PTK2: variants seen among roughly 807,000 people sequenced by gnomAD.
PTK2 encodes protein tyrosine kinase 2, also known as focal adhesion kinase 1.
A neutral mutation model predicts 150.1 loss-of-function variants in PTK2; 45 were observed. That is an observed-to-expected ratio of 0.30 (90% CI 0.24 to 0.38). The LOEUF (loss-of-function observed/expected upper bound fraction) is 0.38. Among genes scored for constraint, PTK2 ranks in the 10% least tolerant of loss-of-function variants. The pLI is 1.00. For synonymous variants in PTK2, 432 were observed against 449.2 expected, an observed-to-expected ratio of 0.96 and a Z score of 0.48; for missense variants, 919 against 1,307.3, an observed-to-expected ratio of 0.70 and a Z score of 4.58.
chr8:140,793,058 G>C (rs970084505), intron 13 of PTK2, among the ~76,000 whole-genome samples: 1 of 151,942 alleles, frequency 6.6e-6, no homozygotes, highest in African/African-American at 2.4e-5. Context: ...CATATTTTCA[G>C]GTTCTTGTAA....
intron 2 of PTK2, among the ~76,000 whole-genome samples, chr8:140,916,332 C>T (rs529813704): frequency 2.0e-5 from 3 of 152,208 alleles, no homozygotes; most frequent in Non-Finnish European, 4.4e-5. Context: ...ACCACCACCT[C>T]GTAGGCACGA....
chr8:140,985,000 T>C (rs896516508), intron 1 of PTK2, among the ~76,000 whole-genome samples: 2 of 152,056 alleles, frequency 1.3e-5, no homozygotes, highest in Non-Finnish European at 2.9e-5. Context: ...AATCAAAAGA[T>C]TGGTACTCTG....
At chr8:140,669,561 T>G (rs1308479153) in intron 29 of PTK2, 166 bp downstream of exon 33, 1 of 647,960 alleles carries the variant, frequency 1.5e-6, no homozygotes, top group Non-Finnish European at 2.6e-6. Context: ...CTCATTCTTT[T>G]GCATATATAA....
chr8:140,919,526 C>G (rs2100166610), intron 2 of PTK2, among the ~76,000 whole-genome samples: 1 of 151,736 alleles, frequency 6.6e-6, no homozygotes, highest in African/African-American at 2.4e-5. Context: ...GAAATCAGAG[C>G]CTTAGTGTTA....
chr8:140,960,363 C>T lies in PTK2; in HGVS notation c.-121-34614G>A, dbSNP rs550965751. On this transcript the variant is annotated intron_variant, in intron 1 of 31. Coordinates refer to ENST00000522684, the Ensembl canonical transcript of PTK2. ...GCTACATGATTACAGGCATGCACCA[C>T]CACATCCAGCTAATTTTTGTATTTT... 2.6e-5 allele frequency among the ~76,000 whole-genome samples: 4 copies of T among 151,930 alleles called. No individual in the cohort carries two copies. The South Asian group carries it at 8.3e-4, about 32-fold the overall frequency.
chr8:140,943,472 C>G (rs559061294), intron 1 of PTK2, among the ~76,000 whole-genome samples: 1 of 152,322 alleles, frequency 6.6e-6, no homozygotes, highest in South Asian at 2.1e-4. Context: ...ATCTGTTTAT[C>G]CATTTACCAA....
At chr8:140,672,123 G>A in intron 29 of PTK2, 1 of 451,592 alleles carries the variant, frequency 2.2e-6, no homozygotes, top group Non-Finnish European at 4.4e-6. Flanking sequence ...GTTTTTCATT[G>A]TAATACAAGC....
At chr8:140,795,837 C>A (rs1343584546) in intron 12 of PTK2, among the ~76,000 whole-genome samples, 2 of 152,210 alleles carry the variant, frequency 1.3e-5, no homozygotes, top group African/African-American at 4.8e-5. Context: ...ACATTGTATT[C>A]CCCTGAACAT....
intron 5 of PTK2, among the ~76,000 whole-genome samples, chr8:140,851,894 C>T (rs546801482): frequency 1.3e-5 from 2 of 150,418 alleles, no homozygotes; most frequent in East Asian, 3.9e-4. Flanking sequence ...ATGAATCTAA[C>T]TGCATAGCAA....
chr8:140,976,944 C>A (rs548182922), intron 1 of PTK2, among the ~76,000 whole-genome samples: 23 of 152,210 alleles, frequency 1.5e-4, no homozygotes, highest in Non-Finnish European at 3.4e-4. Flanking sequence ...TGACTACAAT[C>A]CAATTCTAGA....
chr8:140,707,714 A>C (rs1262595274), intron 23 of PTK2, among the ~76,000 whole-genome samples: 1 of 152,138 alleles, frequency 6.6e-6, no homozygotes, highest in Non-Finnish European at 1.5e-5. Flanking sequence ...CGAACTGCAC[A>C]CTTTCAATGG....
rs2100029868 is a variant in PTK2 at position 140,700,885 on chromosome 8, A to G, written c.2499+6T>C. The G allele has an allele frequency of 6.2e-7, 1 of 1,613,716 alleles. No individual in the cohort carries two copies. Among genetic ancestry groups the G allele is most frequent in the Non-Finnish European group, 8.5e-7 (1 of 1,179,746 alleles). ...AGTCAAAGAAGCCTTTCAGAAACAC[A>G]ATTACCAGAAATCTTTCCTCTTTTT... On this transcript the variant is annotated splice_donor_region_variant and intron_variant, in intron 26 of 31. Transcript: ENST00000522684.
Position 140,983,198 on chromosome 8 carries a change from C to A in PTK2, c.-122+17927G>T, listed in dbSNP as rs577902783. Reference sequence around the variant, plus strand: ...GGTCAGGAGTTTGAGACCAGCCTGGCCAACAGAGCAAAACCCTGTCTCTAC... The same window carrying A: ...GGTCAGGAGTTTGAGACCAGCCTGGACAACAGAGCAAAACCCTGTCTCTAC... On this transcript the variant is annotated intron_variant, in intron 1 of 31. Transcript: ENST00000522684. 1.3e-3 allele frequency among the ~76,000 whole-genome samples: 194 copies of A among 151,962 alleles called. 1 individual carries two copies. The highest frequency in any genetic ancestry group is 6.8e-3 in the Middle Eastern group (2 of 294).
intron 14 of PTK2, among the ~76,000 whole-genome samples, chr8:140,766,222 T>C (rs183400453): frequency 2.0e-5 from 3 of 152,180 alleles, no homozygotes; most frequent in South Asian, 2.1e-4. Flanking sequence ...CAGCTTCATA[T>C]GGCTGCAAAG....
chr8:140,667,442 C>T (rs2092895024), intron 30 of PTK2, among the ~76,000 whole-genome samples: 1 of 112,262 alleles, frequency 8.9e-6, no homozygotes, highest in Admixed American at 1.1e-4. Context: ...ACCTAGTGTC[C>T]TCTTTCTTTC....
At chr8:140,668,048 C>T (rs532208767) in intron 30 of PTK2, among the ~76,000 whole-genome samples, 75 of 152,288 alleles carry the variant, frequency 4.9e-4, no homozygotes, top group Admixed American at 1.2e-3. Flanking sequence ...ACACTCCCAT[C>T]CTAGTGTTTA....
chr8:140,927,492 CAT>C (rs1218528956), intron 1 of PTK2: 5 of 152,182 alleles, frequency 3.3e-5, no homozygotes, highest in African/African-American at 1.2e-4. Context: ...CAGTCACAGA[CAT>C]ATTAATACTG....
chr8:140,761,044 T>C, intron 16 of PTK2, 121 bp downstream of exon 19: 3 of 682,400 alleles, frequency 4.4e-6, no homozygotes, highest in South Asian at 2.1e-5. Context: ...AAGAGCTTTA[T>C]AAAAGACACC....
At chr8:140,752,862 T>C (rs1185852477) in intron 16 of PTK2, among the ~76,000 whole-genome samples, 1 of 151,774 alleles carries the variant, frequency 6.6e-6, no homozygotes, top group African/African-American at 2.4e-5. Context: ...CAGGGAACAG[T>C]GTATAGCGTG....
Sources: gnomAD v4.1 joint callset for allele counts (sites outside exome capture counted in the v4.1 genomes callset) on GRCh38, gnomAD v4.1.1 for gene constraint, MANE v1.5 for transcripts, NCBI Gene and HGNC (gene_info 2026-07-23, HGNC 2026-07-21) for gene names.